Variants in LOC102723971 observed in about 807,000 individuals in gnomAD.
chr9:135,617,914 C>T, the LOC102723971 span: 1 of 398,620 alleles, frequency 2.5e-6, no homozygotes, highest in Non-Finnish European at 4.4e-6. Flanking sequence ...AGGCTCCAGG[C>T]CTCAGCCCCT....
chr9:135,619,071 TG>T, the LOC102723971 span: 1 of 399,534 alleles, frequency 2.5e-6, no homozygotes, highest in Non-Finnish European at 4.4e-6. Flanking sequence ...CAGGTCCCCC[TG>T]GAAGCCCTTT....
At chr9:135,619,651 A>G in the LOC102723971 span, among the ~76,000 whole-genome samples, 2 of 152,142 alleles carry the variant, frequency 1.3e-5, no homozygotes, top group South Asian at 4.1e-4. Flanking sequence ...CCTGTGTGGC[A>G]GGTGAGACCA....
the LOC102723971 span, chr9:135,616,879 G>A: frequency 1.8e-5 from 7 of 398,552 alleles, no homozygotes; most frequent in African/African-American, 8.2e-5. Flanking sequence ...GAGAGGCATC[G>A]TGCATCAGCT....
chr9:135,618,807 G>C, the LOC102723971 span: 12 of 397,742 alleles, frequency 3.0e-5, no homozygotes, highest in African/African-American at 6.2e-5. Flanking sequence ...TGGGGAGGCA[G>C]AAGGCCCAGT....
the LOC102723971 span, among the ~76,000 whole-genome samples, chr9:135,615,203 C>T: frequency 6.6e-6 from 1 of 150,700 alleles, no homozygotes; most frequent in African/African-American, 2.5e-5. Context: ...ACTAGCCAGC[C>T]TCTCCTGTCC....
chr9:135,616,707 G>T, the LOC102723971 span: 1 of 398,678 alleles, frequency 2.5e-6, no homozygotes, highest in East Asian at 3.6e-5. Flanking sequence ...AGTGGGGAGG[G>T]GCGAGCAAGG....
chr9:135,615,616 C>A, the LOC102723971 span: 3 of 397,758 alleles, frequency 7.5e-6, no homozygotes, highest in East Asian at 1.1e-4. Context: ...AGGCCCAAGA[C>A]CCCGCTCCAA....
chr9:135,618,325 G>C, the LOC102723971 span, among the ~76,000 whole-genome samples: 1 of 152,138 alleles, frequency 6.6e-6, no homozygotes, highest in Admixed American at 6.5e-5. Flanking sequence ...AAGGGATCCA[G>C]ATCTCCAGCC....
the LOC102723971 span, among the ~76,000 whole-genome samples, chr9:135,616,213 AC>A: frequency 1.3e-5 from 2 of 152,264 alleles, no homozygotes; most frequent in East Asian, 3.9e-4. Flanking sequence ...GCAAGTGGGG[AC>A]AGGCAGGACA....
the LOC102723971 span, among the ~76,000 whole-genome samples, chr9:135,618,249 T>G: frequency 6.6e-5 from 10 of 152,026 alleles, no homozygotes; most frequent in African/African-American, 2.4e-4. Flanking sequence ...CCGTCTCCAC[T>G]CTACAGATGT....
chr9:135,618,320 A>G, the LOC102723971 span, among the ~76,000 whole-genome samples: 1 of 152,046 alleles, frequency 6.6e-6, no homozygotes, highest in Non-Finnish European at 1.5e-5. Context: ...GCTGGAAGGG[A>G]TCCAGATCTC....
At chr9:135,619,893 C>A in the LOC102723971 span, among the ~76,000 whole-genome samples, 1 of 113,174 alleles carries the variant, frequency 8.8e-6, no homozygotes, top group East Asian at 3.6e-4. Context: ...CAATCTCCCC[C>A]GTCTCCCCCT....
chr9:135,615,805 C>A, the LOC102723971 span, among the ~76,000 whole-genome samples: 5 of 152,182 alleles, frequency 3.3e-5, no homozygotes, highest in African/African-American at 1.2e-4. Context: ...AAAGTTGCCT[C>A]ATTCCCAACA....
At chr9:135,619,849 T>TA in the LOC102723971 span, among the ~76,000 whole-genome samples, 1 of 125,496 alleles carries the variant, frequency 8.0e-6, no homozygotes, top group Admixed American at 7.7e-5. Flanking sequence ...CAGTGAGGCC[T>TA]TCTCCCCCTT....
At chr9:135,616,897 G>C in the LOC102723971 span, 1 of 398,568 alleles carries the variant, frequency 2.5e-6, no homozygotes, top group African/African-American at 2.1e-5. Flanking sequence ...GCTGGCCCGG[G>C]GTCTCCAACA....
At chr9:135,614,921 G>T in the LOC102723971 span, among the ~76,000 whole-genome samples, 1 of 152,172 alleles carries the variant, frequency 6.6e-6, no homozygotes, top group Non-Finnish European at 1.5e-5. Context: ...AGGCAGGGGT[G>T]CAGGGCTGAG....
the LOC102723971 span, among the ~76,000 whole-genome samples, chr9:135,615,679 C>T: frequency 6.6e-6 from 1 of 152,214 alleles, no homozygotes; most frequent in Admixed American, 6.5e-5. Flanking sequence ...ACACACAGCC[C>T]GGCCCCGGAG....
chr9:135,618,205 C>T, the LOC102723971 span, among the ~76,000 whole-genome samples: 1 of 152,194 alleles, frequency 6.6e-6, no homozygotes, highest in Non-Finnish European at 1.5e-5. Flanking sequence ...CGGATCTTAC[C>T]AGCCCCACAT....
chr9:135,619,777 CA>C, the LOC102723971 span, among the ~76,000 whole-genome samples: 1 of 152,028 alleles, frequency 6.6e-6, no homozygotes, highest in East Asian at 1.9e-4. Flanking sequence ...GTCAGGGACT[CA>C]ATACTTGTCG....
Sources: gnomAD v4.1 joint callset for allele counts (sites outside exome capture counted in the v4.1 genomes callset) on GRCh38, gnomAD v4.1.1 for gene constraint, MANE v1.5 for transcripts.